The following MGAT4C variants were observed in gnomAD, a reference collection of about 807,000 sequenced individuals.
MGAT4C encodes alpha-1,3-mannosyl-glycoprotein 4-beta-N-acetylglucosaminyltransferase C.
Under a neutral mutation model 40.1 loss-of-function variants are expected in MGAT4C, and 19 were observed. The ratio of observed to expected loss-of-function variants is 0.47; its 90% CI spans 0.33 to 0.70. MGAT4C has a LOEUF of 0.70. MGAT4C is among the 30% of genes least tolerant of loss of function. The pLI, the probability that MGAT4C is intolerant of heterozygous loss-of-function variation, is 0.02. For missense variants in MGAT4C, 491 were observed against 563.2 expected, an observed-to-expected ratio of 0.87 and a Z score of 1.30; for synonymous variants, 181 against 187.1, an observed-to-expected ratio of 0.97 and a Z score of 0.27.
chr12:86,668,522 T>C (rs1172254108), intron 2 of MGAT4C, among the ~76,000 whole-genome samples: 1 of 152,166 alleles, frequency 6.6e-6, no homozygotes, highest in East Asian at 1.9e-4. Flanking sequence ...CTGCAGACAT[T>C]TTCCCAGACC....
chr12:86,377,227 T>C (rs1955846262), intron 3 of MGAT4C, among the ~76,000 whole-genome samples: 1 of 151,174 alleles, frequency 6.6e-6, no homozygotes, highest in Non-Finnish European at 1.5e-5. Context: ...GCCTGGCTAA[T>C]TTTGTATTTT....
chr12:86,388,926 C>T (rs371417603), intron 3 of MGAT4C, among the ~76,000 whole-genome samples: 5 of 152,024 alleles, frequency 3.3e-5, no homozygotes, highest in South Asian at 2.1e-4. Context: ...TCAGGTGATC[C>T]GCTTGCCTCG....
chr12:86,558,450 CA>C (rs1959714037), intron 2 of MGAT4C, among the ~76,000 whole-genome samples: 1 of 152,032 alleles, frequency 6.6e-6, no homozygotes. Flanking sequence ...GTTATAATAA[CA>C]GCAAGAGAAA....
intron 2 of MGAT4C, among the ~76,000 whole-genome samples, chr12:86,492,452 A>C (rs1406174949): frequency 6.6e-6 from 1 of 152,216 alleles, no homozygotes; most frequent in East Asian, 1.9e-4. Context: ...ACAGAGATAC[A>C]GATCAATGGA....
At chr12:86,155,000 A>T (rs560569176) in intron 1 of MGAT4C, among the ~76,000 whole-genome samples, 1 of 152,302 alleles carries the variant, frequency 6.6e-6, no homozygotes, top group East Asian at 1.9e-4. Flanking sequence ...CATGATAGAG[A>T]GTAATGAGAG....
intron 4 of MGAT4C, among the ~76,000 whole-genome samples, chr12:86,319,591 T>G (rs1954328784): frequency 6.6e-6 from 1 of 152,220 alleles, no homozygotes; most frequent in Admixed American, 6.5e-5. Flanking sequence ...ACTTGTTTGC[T>G]TTTCTCTCTT....
intron 4 of MGAT4C, among the ~76,000 whole-genome samples, chr12:86,270,554 T>C (rs1952920710): frequency 6.6e-6 from 1 of 152,192 alleles, no homozygotes; most frequent in Admixed American, 6.5e-5. Context: ...ACTTACCATA[T>C]TTTTTTCAGG....
At chr12:86,354,905 A>T (rs1186540620) in intron 3 of MGAT4C, among the ~76,000 whole-genome samples, 1 of 152,214 alleles carries the variant, frequency 6.6e-6, no homozygotes, top group Non-Finnish European at 1.5e-5. Flanking sequence ...GTTTACTGTG[A>T]AGAGCAAAAG....
At chr12:86,388,483 T>C (rs1006756227) in intron 3 of MGAT4C, among the ~76,000 whole-genome samples, 1 of 152,080 alleles carries the variant, frequency 6.6e-6, no homozygotes, top group African/African-American at 2.4e-5. Flanking sequence ...ACCAATAATA[T>C]AACTTGTAAA....
chr12:86,344,461 A>T (rs1954973038), intron 3 of MGAT4C, among the ~76,000 whole-genome samples: 1 of 152,182 alleles, frequency 6.6e-6, no homozygotes, highest in African/African-American at 2.4e-5. Flanking sequence ...ACATGAACTG[A>T]CTTCTGAAAA....
intron 1 of MGAT4C, among the ~76,000 whole-genome samples, chr12:86,765,640 G>A (rs1951491933): frequency 6.6e-6 from 1 of 152,206 alleles, no homozygotes; most frequent in Non-Finnish European, 1.5e-5. Context: ...CCCACAAAGA[G>A]AAGCCCATCA....
chr12:86,353,484 A>C (rs1955226444), intron 3 of MGAT4C, among the ~76,000 whole-genome samples: 1 of 152,182 alleles, frequency 6.6e-6, no homozygotes, highest in Admixed American at 6.6e-5. Flanking sequence ...ACAGTCACCA[A>C]AAGCTCCAAG....
At chr12:86,738,664 T>C (rs1055781901) in intron 1 of MGAT4C, among the ~76,000 whole-genome samples, 1 of 151,352 alleles carries the variant, frequency 6.6e-6, no homozygotes, top group Non-Finnish European at 1.5e-5. Flanking sequence ...CTTTTGGAAG[T>C]CAGCCTCTGT....
intron 4 of MGAT4C, among the ~76,000 whole-genome samples, chr12:86,314,223 G>T (rs1307506291): frequency 6.6e-6 from 1 of 152,150 alleles, no homozygotes; most frequent in Non-Finnish European, 1.5e-5. Context: ...TATCATCACA[G>T]AATTGATTTG....
intron 2 of MGAT4C, among the ~76,000 whole-genome samples, chr12:86,450,016 T>C (rs745700415): frequency 2.6e-5 from 4 of 152,188 alleles, no homozygotes; most frequent in African/African-American, 4.8e-5. Flanking sequence ...GTCAATTATA[T>C]GTCATGTGAT....
intron 2 of MGAT4C, among the ~76,000 whole-genome samples, chr12:86,556,054 T>C (rs985889612): frequency 6.6e-6 from 1 of 152,260 alleles, no homozygotes; most frequent in African/African-American, 2.4e-5. Context: ...TCTATAATTC[T>C]TTTTGTTACA....
chr12:86,814,720 G>C (rs926673702), intron 1 of MGAT4C, among the ~76,000 whole-genome samples: 1 of 151,912 alleles, frequency 6.6e-6, no homozygotes, highest in Non-Finnish European at 1.5e-5. Flanking sequence ...AAGTAATGAG[G>C]AAGAAGCCCT....
chr12:86,423,956 G>A (rs1469681747), intron 3 of MGAT4C, among the ~76,000 whole-genome samples: 2 of 152,164 alleles, frequency 1.3e-5, no homozygotes, highest in South Asian at 2.1e-4. Context: ...CTATGCTTTC[G>A]AGAGATACAA....
At chr12:86,518,890 A>G in intron 2 of MGAT4C, among the ~76,000 whole-genome samples, 1 of 152,308 alleles carries the variant, frequency 6.6e-6, no homozygotes. Flanking sequence ...TGACACACAT[A>G]AAATGGATGA....
Sources: gnomAD v4.1 joint callset for allele counts (sites outside exome capture counted in the v4.1 genomes callset) on GRCh38, gnomAD v4.1.1 for gene constraint, MANE v1.5 for transcripts, NCBI Gene and HGNC (gene_info 2026-07-23, HGNC 2026-07-21) for gene names.